Variants in GABRG3 observed in about 807,000 individuals in gnomAD.
GABRG3 encodes gamma-aminobutyric acid type A receptor subunit gamma3, also known as gamma-aminobutyric acid receptor subunit gamma-3.
In GABRG3, 25 loss-of-function variants were observed where a neutral mutation model predicts 48.8. The ratio of observed to expected loss-of-function variants is 0.51; its 90% CI spans 0.37 to 0.72. GABRG3 has a LOEUF of 0.72. Among genes scored for constraint, GABRG3 ranks in the 30% least tolerant of loss-of-function variants. GABRG3 has a pLI of 0.00. For missense variants in GABRG3, 394 were observed against 577.9 expected, an observed-to-expected ratio of 0.68 and a Z score of 3.26; for synonymous variants, 227 against 217.6, an observed-to-expected ratio of 1.04 and a Z score of -0.38.
intron 5 of GABRG3, among the ~76,000 whole-genome samples, chr15:27,476,723 C>T (rs1253071626): frequency 6.6e-6 from 1 of 152,072 alleles, no homozygotes; most frequent in Non-Finnish European, 1.5e-5. Flanking sequence ...TAATGGGAAT[C>T]TCAGAGGAGA....
In GABRG3 at chr15:27,447,400, T is replaced by TCCTCA. The variant is rs1888974415; in HGVS notation, c.575-33250_575-33249insCCTCA. On this transcript the variant is annotated intron_variant, in intron 5 of 9. Transcript: ENST00000615808. The surrounding 1 kb of genome is among the most constrained non-coding windows in gnomAD (Gnocchi z 4.0). ...TATGCTATGGGAAATGGGGAGTCAC[T>TCCTCA]GAGGATTTTAGTCAGAAAAATTGTA... is the stretch of plus-strand genomic sequence containing the variant. Among the ~76,000 whole-genome samples the TCCTCA allele has an allele frequency of 1.3e-5, 2 of 152,138 alleles. No individual in the cohort carries two copies. The highest frequency in any genetic ancestry group is 2.9e-5 in the Non-Finnish European group (2 of 68,016).
At chr15:27,513,541 G>A (rs1233200436) in intron 6 of GABRG3, among the ~76,000 whole-genome samples, 1 of 152,118 alleles carries the variant, frequency 6.6e-6, no homozygotes, top group African/African-American at 2.4e-5. Context: ...ATGAAGAACA[G>A]GTTTAGTAAT....
At chr15:27,142,429 G>A (rs897757892) in intron 3 of GABRG3, among the ~76,000 whole-genome samples, 2 of 152,234 alleles carry the variant, frequency 1.3e-5, no homozygotes, top group African/African-American at 4.8e-5. Flanking sequence ...TGAGGAAGAC[G>A]CAAAAGTGGA....
intron 6 of GABRG3, among the ~76,000 whole-genome samples, chr15:27,504,398 T>C (rs1890714769): frequency 6.6e-6 from 1 of 152,184 alleles, no homozygotes; most frequent in Non-Finnish European, 1.5e-5. Flanking sequence ...TTTAGCAGTT[T>C]ATTTTAGAGC....
intron 3 of GABRG3, among the ~76,000 whole-genome samples, chr15:27,043,742 T>A (rs1008099237): frequency 6.6e-5 from 10 of 152,230 alleles, no homozygotes; most frequent in African/African-American, 2.2e-4. Flanking sequence ...AGTACCCCAA[T>A]GCTTTGTGGC....
intron 3 of GABRG3, among the ~76,000 whole-genome samples, chr15:27,277,581 C>A (rs1019597669): frequency 6.6e-6 from 1 of 152,140 alleles, no homozygotes; most frequent in Non-Finnish European, 1.5e-5. Context: ...GGACATAAAA[C>A]TCATAATTAT....
chr15:27,065,275 T>G (rs1345210101), intron 3 of GABRG3, among the ~76,000 whole-genome samples: 1 of 152,202 alleles, frequency 6.6e-6, no homozygotes, highest in East Asian at 1.9e-4. Flanking sequence ...CAATGAAACG[T>G]TTAAATAGGA....
intron 5 of GABRG3, among the ~76,000 whole-genome samples, chr15:27,373,696 C>T (rs1017645154): frequency 2.6e-5 from 4 of 152,150 alleles, no homozygotes; most frequent in Non-Finnish European, 4.4e-5. Context: ...CAACTTCTGG[C>T]GCTTACTTTG....
intron 3 of GABRG3, among the ~76,000 whole-genome samples, chr15:27,038,533 C>T (rs1896218453): frequency 6.6e-6 from 1 of 152,186 alleles, no homozygotes; most frequent in Non-Finnish European, 1.5e-5. Context: ...TCCCTGGCAC[C>T]ACGCTCTTCT....
Position 27,246,085 on chromosome 15 carries a change from T to C in GABRG3, c.271-80724T>C, listed in dbSNP as rs116552407. On this transcript the variant is annotated intron_variant, in intron 3 of 9. Transcript: ENST00000615808. ...TGGACTCATCACTGCCAGGCACTCATGAGGGATCTGCCCCACGACCCAAAC... is the reference window on the plus strand; with the variant it reads ...TGGACTCATCACTGCCAGGCACTCACGAGGGATCTGCCCCACGACCCAAAC... Among the ~76,000 whole-genome samples the C allele has an allele frequency of 2.7e-3, 404 of 152,102 alleles. 3 individuals are homozygous for C. Among genetic ancestry groups the C allele is most frequent in the African/African-American group, 9.3e-3 (388 of 41,522 alleles).
chr15:27,492,979 T>C (rs1314154469), intron 6 of GABRG3, among the ~76,000 whole-genome samples: 1 of 152,246 alleles, frequency 6.6e-6, no homozygotes. Flanking sequence ...TGTGTTTGTA[T>C]TGGGGTGTGG....
intron 3 of GABRG3, among the ~76,000 whole-genome samples, chr15:27,036,740 G>T (rs935913064): frequency 6.6e-6 from 1 of 152,148 alleles, no homozygotes; most frequent in Non-Finnish European, 1.5e-5. Context: ...GTGAGGGGTT[G>T]AAAGGCCAGC....
At chr15:27,003,881 G>C (rs1895514942) in intron 2 of GABRG3, among the ~76,000 whole-genome samples, 1 of 149,126 alleles carries the variant, frequency 6.7e-6, no homozygotes, top group African/African-American at 2.5e-5. Flanking sequence ...CTCCCAGACG[G>C]GGCGGCTGGC....
intron 2 of GABRG3, among the ~76,000 whole-genome samples, chr15:27,020,746 A>G (rs1244882685): frequency 6.6e-6 from 1 of 151,938 alleles, no homozygotes; most frequent in Non-Finnish European, 1.5e-5. Flanking sequence ...CTTGTTTTTG[A>G]ATGAATGTTC....
chr15:27,475,877 A>G (rs988308253), intron 5 of GABRG3, among the ~76,000 whole-genome samples: 3 of 151,882 alleles, frequency 2.0e-5, no homozygotes, highest in Admixed American at 2.0e-4. Flanking sequence ...AGGTGGTGAT[A>G]ATGTTAATAG....
At chr15:27,307,095 T>A (rs1203268965) in intron 3 of GABRG3, among the ~76,000 whole-genome samples, 1 of 124,798 alleles carries the variant, frequency 8.0e-6, no homozygotes, top group Admixed American at 8.0e-5. Context: ...TATAAACATA[T>A]AATATAAACA....
chr15:27,397,418 A>G (rs763256284), intron 5 of GABRG3, among the ~76,000 whole-genome samples: 5 of 152,134 alleles, frequency 3.3e-5, no homozygotes, highest in Non-Finnish European at 7.4e-5. Flanking sequence ...AACTGCCTCT[A>G]TGTGGCTTTC....
chr15:27,098,834 C>CA (rs2140764378), intron 3 of GABRG3, among the ~76,000 whole-genome samples: 1 of 151,972 alleles, frequency 6.6e-6, no homozygotes, highest in South Asian at 2.1e-4. Context: ...CTTCTAGTGC[C>CA]AGTCAAGATG....
intron 3 of GABRG3, among the ~76,000 whole-genome samples, chr15:27,101,228 A>G (rs1897350921): frequency 6.6e-6 from 1 of 152,254 alleles, no homozygotes; most frequent in Non-Finnish European, 1.5e-5. Context: ...AAAATGAAAT[A>G]CTTAGGTATA....
Sources: allele counts gnomAD v4.1 joint callset (sites outside exome capture counted in the v4.1 genomes callset), GRCh38; gene constraint gnomAD v4.1.1; non-coding constraint Gnocchi (gnomAD v3.1); transcripts MANE v1.5; gene names NCBI Gene and HGNC (gene_info 2026-07-23, HGNC 2026-07-21).